The following HOOK2 variants were observed in gnomAD, a reference collection of about 807,000 sequenced individuals.
The protein encoded by HOOK2 is hook microtubule tethering protein 2.
Under a neutral mutation model 111.9 loss-of-function variants are expected in HOOK2, and 108 were observed. The observed-to-expected ratio is 0.96, with a 90% CI of 0.83 to 1.13. The LOEUF is 1.13. HOOK2 is among the 50% of genes most tolerant of loss of function. The probability of loss-of-function intolerance (pLI) is 0.00; values close to 1 mark genes in which losing one functional copy is unlikely to be tolerated. For missense variants in HOOK2, 978 were observed against 951.3 expected, an observed-to-expected ratio of 1.03 and a Z score of -0.37; for synonymous variants, 405 against 394.3, an observed-to-expected ratio of 1.03 and a Z score of -0.32.
chr19:12,792,058 A>G (rs748346774), intron 3 of HOOK2: 3 of 1,610,192 alleles, frequency 1.9e-6, no homozygotes, highest in Non-Finnish European at 2.5e-6. Context: ...CCCAACAGCA[A>G]CGGCGTGATC....
At position 12,775,544 on chromosome 19, in the gene HOOK2, G is replaced by T. The variant is rs1051797682; in HGVS notation, c.-95C>A. 2.9e-5 allele frequency: 40 copies of T among 1,381,168 alleles called. 2 individuals carry two copies. Among genetic ancestry groups the T allele is most frequent in the Non-Finnish European group, 3.8e-5 (39 of 1,030,458 alleles). The allele number at this position is 1,381,168 out of a possible 1,614,324, so 85.6% of individuals were successfully genotyped here. ...CGAGCGCCCGCAGCCCCGACCTCCCGCTCGGCCTAGAGCGCCGCCCCGCCC... is the reference window on the plus strand; with the variant it reads ...CGAGCGCCCGCAGCCCCGACCTCCCTCTCGGCCTAGAGCGCCGCCCCGCCC... On this transcript the variant is annotated 5_prime_UTR_variant, in exon 1 of 23. Coordinates refer to ENST00000397668, the MANE Select transcript of HOOK2 (RefSeq NM_013312.3).
At chr19:12,773,598 C>T (rs1205123726) in intron 3 of HOOK2, among the ~76,000 whole-genome samples, 5 of 152,122 alleles carry the variant, frequency 3.3e-5, no homozygotes, top group Admixed American at 2.0e-4. Flanking sequence ...CTTCTCACCA[C>T]CTGCCCCACC....
chr19:12,779,851 C>A (rs115793112), upstream of HOOK2, among the ~76,000 whole-genome samples: 1 of 152,126 alleles, frequency 6.6e-6, no homozygotes, highest in Non-Finnish European at 1.5e-5. Context: ...CATCCTTGTC[C>A]GTAACATCCA....
At chr19:12,773,241 T>C in intron 3 of HOOK2, 197 bp from the exon 4 acceptor site, 26 of 546,420 alleles carry the variant, frequency 4.8e-5, no homozygotes, top group South Asian at 1.1e-4. Context: ...CTTTTTTTTT[T>C]TTTTTTTTTT....
upstream of HOOK2, among the ~76,000 whole-genome samples, chr19:12,783,065 G>T (rs1456493333): frequency 6.6e-6 from 1 of 152,136 alleles, no homozygotes; most frequent in Admixed American, 6.5e-5. Context: ...CGTGACTCAG[G>T]CCAGCCCGGG....
upstream of HOOK2, chr19:12,775,623 A>G: frequency 1.9e-6 from 1 of 516,420 alleles, no homozygotes; most frequent in Non-Finnish European, 2.9e-6. Flanking sequence ...TCCGCCTCGG[A>G]ACGTAATCTC....
chr19:12,776,612 G>T (rs1331320178), upstream of HOOK2, among the ~76,000 whole-genome samples: 1 of 149,776 alleles, frequency 6.7e-6, no homozygotes, highest in African/African-American at 2.5e-5. Flanking sequence ...CCTGGAGGCG[G>T]AGGTTGCAGT....
rs1278449999 is a variant in HOOK2, at chr19:12,790,354, T to TC, written n.42-16130dup. 6.6e-6 allele frequency among the ~76,000 whole-genome samples: 1 copy of TC among 152,062 alleles called. No individual in the cohort carries two copies. The highest frequency in any genetic ancestry group is 2.4e-5 in the African/African-American group (1 of 41,394). Reference sequence around the variant, plus strand: ...CCACACTTCCTGCCTCTGCGCTCTTTCCCCAGCCTGTTTCTAAGGAAGGGA... The same window carrying TC: ...CCACACTTCCTGCCTCTGCGCTCTTTCCCCCAGCCTGTTTCTAAGGAAGGGA... On this transcript the variant is annotated intron_variant and non_coding_transcript_variant, in intron 3 of 3. Transcript: ENST00000589765. This position sits in a 1 kb window ranked among gnomAD's most constrained non-coding sequence, Gnocchi z 7.2.
chr19:12,785,529 A>G (rs949722511), intron 3 of HOOK2, among the ~76,000 whole-genome samples: 1 of 152,078 alleles, frequency 6.6e-6, no homozygotes. Context: ...CTTTGAAACA[A>G]CCTACACGTA....
In HOOK2 at chr19:12,791,639, C is replaced by T; in HGVS notation, n.42-17414G>A. On this transcript the variant is annotated intron_variant and non_coding_transcript_variant, in intron 3 of 3. Coordinates refer to the HOOK2 transcript ENST00000589765. This position sits in a 1 kb window ranked among gnomAD's most constrained non-coding sequence, Gnocchi z 7.0. ...GCACAGCTGCCGGCTGGCTGCTACC[C>T]GCCCGCGCCAGCCCCCGAGAACGCG... is the stretch of plus-strand genomic sequence containing the variant. The T allele has an allele frequency of 1.6e-6, 1 of 619,138 alleles. No individual in the cohort carries two copies. Among genetic ancestry groups the T allele is most frequent in the Non-Finnish European group, 2.6e-6 (1 of 381,862 alleles). 38.4% of individuals were successfully genotyped at this position (619,138 alleles called of 1,614,324 possible). A position where few individuals can be genotyped will look rare whatever the true frequency, so the allele number is the denominator to read the frequency against.
In HOOK2 at chr19:12,791,108, C is replaced by T. The variant is rs1344956448; in HGVS notation, n.42-16883G>A. 1.3e-5 allele frequency among the ~76,000 whole-genome samples: 2 copies of T among 152,210 alleles called. No individual in the cohort carries two copies. Among genetic ancestry groups the T allele is most frequent in the Non-Finnish European group, 2.9e-5 (2 of 68,036 alleles). ...TACCCCTCTCGTATTCTGGGTACCT[C>T]AGGGGTTTCTTCGCACATACTGGGA... On this transcript the variant is annotated intron_variant and non_coding_transcript_variant, in intron 3 of 3. Coordinates refer to the HOOK2 transcript ENST00000589765. The surrounding 1 kb of genome is among the most constrained non-coding windows in gnomAD (Gnocchi z 7.0).
At chr19:12,765,106 T>A in intron 18 of HOOK2, 25 bp from the exon 19 acceptor site, 1 of 1,612,020 alleles carries the variant, frequency 6.2e-7, no homozygotes, top group East Asian at 2.2e-5. Flanking sequence ...TGAGCAGCAG[T>A]GGGCTGACCT....
At chr19:12,769,790 G>T in intron 11 of HOOK2, 91 bp downstream of exon 11, 1 of 1,059,032 alleles carries the variant, frequency 9.4e-7, no homozygotes, top group Non-Finnish European at 1.3e-6. Flanking sequence ...ACAAATAAGG[G>T]AGGGGATCAG....
intron 3 of HOOK2, chr19:12,773,917 C>T (rs923811734): frequency 4.6e-5 from 7 of 152,964 alleles, no homozygotes; most frequent in African/African-American, 1.7e-4. Context: ...AGTTTATTCC[C>T]AAATCACGGC....
chr19:12,765,650 T>G, intron 18 of HOOK2, 40 bp downstream of exon 18: 3 of 1,612,752 alleles, frequency 1.9e-6, no homozygotes, highest in Non-Finnish European at 2.5e-6. Flanking sequence ...TAATATCAAA[T>G]CCATGCCCCC....
chr19:12,787,292 G>A (rs926821685), intron 3 of HOOK2: 24 of 152,054 alleles, frequency 1.6e-4, no homozygotes, highest in African/African-American at 5.8e-4. Context: ...AAATTTTTTT[G>A]TAGAGATGGG....
In HOOK2 at chr19:12,774,882, C is replaced by A. The variant is rs1490498865; in HGVS notation, c.61G>T (p.Val21Phe). ...TGAGGGCTGGCACAGGGAGACGGAA[C>A]GTGGAACGTCTGTAACTGAGGGGTA... ...SLLTWLQTFH[V>F]PSPCASPQDL... Residue 21 changes from valine (V) to phenylalanine (F), a missense_variant, in exon 2 of 23, where the codon GTT becomes TTT. Coordinates refer to ENST00000397668, the MANE Select transcript of HOOK2 (RefSeq NM_013312.3). 2 of 1,613,832 alleles carry A rather than the reference C, an allele frequency of 1.2e-6. No individual in the cohort carries two copies. Among genetic ancestry groups the A allele is most frequent in the Admixed American group, 1.7e-5 (1 of 59,954 alleles).
At chr19:12,769,408 C>T (rs1968248271) in intron 11 of HOOK2, among the ~76,000 whole-genome samples, 1 of 151,806 alleles carries the variant, frequency 6.6e-6, no homozygotes, top group Non-Finnish European at 1.5e-5. Flanking sequence ...ATTACAGGCG[C>T]GAGCCACCGC....
At chr19:12,765,756 G>T in intron 17 of HOOK2, 32 bp from the exon 18 acceptor site, 1 of 1,614,160 alleles carries the variant, frequency 6.2e-7, no homozygotes, top group Non-Finnish European at 8.5e-7. Context: ...GTGAGTGGGG[G>T]ATCCAGAGAG....
Sources: gnomAD v4.1 joint callset for allele counts (sites outside exome capture counted in the v4.1 genomes callset) on GRCh38, gnomAD v4.1.1 for gene constraint, Gnocchi (gnomAD v3.1) non-coding constraint, MANE v1.5 for transcripts, NCBI Gene and HGNC (gene_info 2026-07-23, HGNC 2026-07-21) for gene names.